Variants in DPYSL2 observed in about 807,000 individuals in gnomAD.
DPYSL2 encodes the protein dihydropyrimidinase like 2.
DPYSL2 carries 13 observed loss-of-function variants against 69.9 expected under a neutral mutation model. That is an observed-to-expected ratio of 0.19 (90% confidence interval 0.12 to 0.30). The LOEUF is 0.30. Ranked by LOEUF, DPYSL2 falls within the 10% of genes least tolerant of loss-of-function variation. The probability of loss-of-function intolerance (pLI) is 1.00; values close to 1 mark genes in which losing one functional copy is unlikely to be tolerated. For synonymous variants in DPYSL2, 326 were observed against 359.1 expected, an observed-to-expected ratio of 0.91 and a Z score of 1.04; for missense variants, 587 against 918.9, an observed-to-expected ratio of 0.64 and a Z score of 4.67.
At chr8:26,536,036 C>T (rs1800587552) in intron 1 of DPYSL2, among the ~76,000 whole-genome samples, 1 of 151,682 alleles carries the variant, frequency 6.6e-6, no homozygotes, top group African/African-American at 2.4e-5. Context: ...ATCCTCCAGC[C>T]TCAGCCTTCC....
At chr8:26,546,280 A>C (rs553118797) in intron 1 of DPYSL2, among the ~76,000 whole-genome samples, 2 of 152,208 alleles carry the variant, frequency 1.3e-5, no homozygotes, top group Admixed American at 6.5e-5. Flanking sequence ...TTTTAATTAT[A>C]AATCCCACTT....
Position 26,653,536 on chromosome 8 carries a change from G to A in DPYSL2, c.1942+139G>A, listed in dbSNP as rs570702570. 12 of 963,502 alleles carry A rather than the reference G, an allele frequency of 1.2e-5. No homozygotes were observed. Among genetic ancestry groups the A allele is most frequent in the African/African-American group, 3.3e-5 (2 of 60,808 alleles). The allele number at this position is 963,502 out of a possible 1,614,324, so 59.7% of individuals were successfully genotyped here. ...TCTCTCCAACGTGAGAAATACAGTG[G>A]ACTCAGATCTCTGGAGATGTATTTT... On this transcript the variant is annotated intron_variant, in intron 13 of 13. Transcript: ENST00000521913. The surrounding 1 kb of genome is among the most constrained non-coding windows in gnomAD (Gnocchi z 5.7).
intron 3 of DPYSL2, among the ~76,000 whole-genome samples, chr8:26,616,082 T>C (rs917260397): frequency 2.0e-5 from 3 of 152,198 alleles, no homozygotes; most frequent in African/African-American, 7.2e-5. Flanking sequence ...TCCCATTTCA[T>C]GGCTGAGGAA....
At position 26,627,823 on chromosome 8, in the gene DPYSL2, G is replaced by A. The variant is rs1318567437; in HGVS notation, c.937-49G>A. Reference sequence around the variant, plus strand: ...TGCCCGGGCCTCTGCCATCAGAGCTGTGCAAAATCCACTCTCCCTCACAGC... The same window carrying A: ...TGCCCGGGCCTCTGCCATCAGAGCTATGCAAAATCCACTCTCCCTCACAGC... On this transcript the variant is annotated intron_variant, in intron 6 of 13. Transcript: ENST00000521913. This position sits in a 1 kb window ranked among gnomAD's most constrained non-coding sequence, Gnocchi z 6.9. 3 of 1,594,850 alleles carry A rather than the reference G, an allele frequency of 1.9e-6. No individual in the cohort carries two copies. In the South Asian group the frequency reaches 3.4e-5, roughly 18 times the overall value.
Position 26,655,633 on chromosome 8 carries a change from A to ACAT in DPYSL2, c.1962_1964dup (p.Ile655dup). 2 of 1,609,630 alleles carry ACAT rather than the reference A, an allele frequency of 1.2e-6. No homozygotes were observed. Among genetic ancestry groups the ACAT allele is most frequent in the Non-Finnish European group, 1.7e-6 (2 of 1,178,370 alleles). On this transcript the variant is annotated inframe_insertion, in exon 14 of 14. Transcript: ENST00000521913. The stretch of plus-strand genomic sequence containing the variant: ...CCTCCAGGTGCTCAGATTGATGACA[A>ACAT]CATTCCCCGCCGCACCACCCAGCGT...
intron 1 of DPYSL2, among the ~76,000 whole-genome samples, chr8:26,535,331 T>A (rs1031802585): frequency 6.6e-6 from 1 of 152,136 alleles, no homozygotes; most frequent in Non-Finnish European, 1.5e-5. Flanking sequence ...GGGATTAGAT[T>A]TGGCCATGTG....
intron 7 of DPYSL2, 112 bp downstream of exon 7, chr8:26,628,052 T>A: frequency 1.8e-6 from 2 of 1,097,330 alleles, no homozygotes; most frequent in Non-Finnish European, 1.3e-6. Context: ...ATGCTGACTG[T>A]GGTCTTTCTG....
In DPYSL2 at chr8:26,514,700, T is replaced by G. The variant is rs1585482488; in HGVS notation, c.354+21T>G. On this transcript the variant is annotated intron_variant, in intron 1 of 13. Coordinates refer to ENST00000521913, the MANE Select transcript of DPYSL2 (RefSeq NM_001197293.3). The surrounding 1 kb of genome is among the most constrained non-coding windows in gnomAD (Gnocchi z 8.4). ...ACCAGGTCGGTGTGGGGGTTGGGGG[T>G]GGAGACGGAGGACGGGGCGCGGGGA... The G allele has an allele frequency of 3.7e-5, 42 of 1,137,244 alleles. No individual in the cohort carries two copies. The highest frequency in any genetic ancestry group is 3.4e-4 in the South Asian group (14 of 40,848). The allele number at this position is 1,137,244 out of a possible 1,614,324, so 70.4% of individuals were successfully genotyped here. A position where few individuals can be genotyped will look rare whatever the true frequency, so the allele number is the denominator to read the frequency against.
intron 1 of DPYSL2, among the ~76,000 whole-genome samples, chr8:26,531,775 G>A (rs565054967): frequency 6.6e-6 from 1 of 152,056 alleles, no homozygotes; most frequent in Admixed American, 6.6e-5. Context: ...GTACATGATG[G>A]TCAGCAGTAT....
chr8:26,573,529 C>T (rs935738152), intron 1 of DPYSL2, among the ~76,000 whole-genome samples: 8 of 151,816 alleles, frequency 5.3e-5, no homozygotes, highest in Non-Finnish European at 1.0e-4. Flanking sequence ...ATTAGCTGGG[C>T]GTGGTGGTAG....
rs191173938 is a variant in DPYSL2, at chr8:26,629,311, C to T, written c.1005+1371C>T. On this transcript the variant is annotated intron_variant, in intron 7 of 13. Transcript: ENST00000521913. ...AGCTAGACACAGCCATAGACACCTA[C>T]ACACACACACATACACATAGACACA... Among the ~76,000 whole-genome samples the T allele has an allele frequency of 3.5e-4, 53 of 151,676 alleles. No individual in the cohort carries two copies. The East Asian group carries it at 0.01, about 29-fold the overall frequency.
intron 1 of DPYSL2, among the ~76,000 whole-genome samples, chr8:26,574,780 G>C (rs1272474714): frequency 6.6e-6 from 1 of 152,150 alleles, no homozygotes. Context: ...GTCTCACTCT[G>C]TCACCCAAGC....
At position 26,514,120 on chromosome 8, in the gene DPYSL2, C is replaced by T; in HGVS notation, c.-206C>T. Reference sequence around the variant, plus strand: ...GCGCTGTAGCCGCGGGGGGCGTGGGCAGGGAGGGGAGAAGCGGGGTCAGGG... The same window carrying T: ...GCGCTGTAGCCGCGGGGGGCGTGGGTAGGGAGGGGAGAAGCGGGGTCAGGG... On this transcript the variant is annotated 5_prime_UTR_variant, in exon 1 of 14. Coordinates refer to ENST00000521913, the MANE Select transcript of DPYSL2 (RefSeq NM_001197293.3). The surrounding 1 kb of genome is among the most constrained non-coding windows in gnomAD (Gnocchi z 8.4). The T allele has an allele frequency of 2.5e-6, 1 of 405,466 alleles. No homozygotes were observed. Among genetic ancestry groups the T allele is most frequent in the South Asian group, 1.0e-4 (1 of 9,674 alleles). 25.1% of individuals were successfully genotyped at this position (405,466 alleles called of 1,614,324 possible).
chr8:26,639,792 C>G (rs987857553), intron 8 of DPYSL2, among the ~76,000 whole-genome samples: 2 of 152,162 alleles, frequency 1.3e-5, no homozygotes, highest in African/African-American at 4.8e-5. Flanking sequence ...ATTGTCCCAT[C>G]ATGCCCTGTA....
At position 26,653,435 on chromosome 8, in the gene DPYSL2, G is replaced by A; in HGVS notation, c.1942+38G>A. On this transcript the variant is annotated intron_variant, in intron 13 of 13. Coordinates refer to ENST00000521913, the MANE Select transcript of DPYSL2 (RefSeq NM_001197293.3). The surrounding 1 kb of genome is among the most constrained non-coding windows in gnomAD (Gnocchi z 5.7). ...CTTGGGGAGGGCACAGTTCTGCAGG[G>A]CCAGCTCGCTGGTGCTGGCGAGGCT... The A allele has an allele frequency of 6.3e-7, 1 of 1,577,140 alleles. No homozygotes were observed. The highest frequency in any genetic ancestry group is 1.8e-5 in the Admixed American group (1 of 54,844).
rs919191303 is a variant in DPYSL2, at chr8:26,610,434, G to A, written c.629-13709G>A. ...GGTCTCTATGCTTCTTCCTTTTCTA[G>A]CATTTACTCTTATGTTACAATTAGT... On this transcript the variant is annotated intron_variant, in intron 3 of 13. Coordinates refer to ENST00000521913, the MANE Select transcript of DPYSL2 (RefSeq NM_001197293.3). The surrounding 1 kb of genome is among the most constrained non-coding windows in gnomAD (Gnocchi z 4.5). Among the ~76,000 whole-genome samples the A allele has an allele frequency of 2.6e-5, 4 of 152,142 alleles. No individual in the cohort carries two copies. The highest frequency in any genetic ancestry group is 5.9e-5 in the Non-Finnish European group (4 of 68,044).
At position 26,582,812 on chromosome 8, in the gene DPYSL2, C is replaced by A. The variant is rs1167065820; in HGVS notation, c.443+755C>A. On this transcript the variant is annotated intron_variant, in intron 2 of 13. Transcript: ENST00000521913. This position sits in a 1 kb window ranked among gnomAD's most constrained non-coding sequence, Gnocchi z 4.1. ...TGACAGCTTTTAAATAAGCAGCATT[C>A]ATCAAGGGATAGCTGTAAACCGGTC... Among the ~76,000 whole-genome samples, 1 of 152,192 alleles carries A rather than the reference C, an allele frequency of 6.6e-6. No individual in the cohort carries two copies. The highest frequency in any genetic ancestry group is 2.4e-5 in the African/African-American group (1 of 41,434).
chr8:26,604,017 T>C (rs969388437), intron 3 of DPYSL2, among the ~76,000 whole-genome samples: 9 of 152,190 alleles, frequency 5.9e-5, no homozygotes, highest in Non-Finnish European at 2.9e-5. Context: ...AATTGCCGCA[T>C]CATACGGTAA....
At position 26,579,445 on chromosome 8, in the gene DPYSL2, C is replaced by T. The variant is rs899048518; in HGVS notation, c.355-2524C>T. ...ATAAGGATGTGCAATTGCAACCGGC[C>T]AGCTGATTCCCGGGTAGAACCTAGG... On this transcript the variant is annotated intron_variant, in intron 1 of 13. Transcript: ENST00000521913. 2.0e-5 allele frequency among the ~76,000 whole-genome samples: 3 copies of T among 152,348 alleles called. No homozygotes were observed. The East Asian group carries it at 5.8e-4, about 29-fold the overall frequency.
Sources: gnomAD v4.1 joint callset for allele counts (sites outside exome capture counted in the v4.1 genomes callset) on GRCh38, gnomAD v4.1.1 for gene constraint, Gnocchi (gnomAD v3.1) non-coding constraint, MANE v1.5 for transcripts, NCBI Gene and HGNC (gene_info 2026-07-23, HGNC 2026-07-21) for gene names.